Variants in SMG5 observed in about 807,000 individuals in gnomAD.
The protein encoded by SMG5 is nonsense-mediated mRNA decay factor SMG5.
A neutral mutation model predicts 122.9 loss-of-function variants in SMG5; 53 were observed. The observed-to-expected ratio is 0.43, with a 90% CI of 0.35 to 0.54. The LOEUF is 0.54. Ranked by LOEUF, SMG5 falls within the 20% of genes least tolerant of loss-of-function variation. SMG5 has a pLI of 0.01. For synonymous variants in SMG5, 477 were observed against 490.2 expected (o/e 0.97, Z 0.35); for missense variants, 1,153 against 1,285.6 (o/e 0.90, Z 1.58).
the SMG5 span, chr1:156,291,140 A>G: frequency 2.0e-6 from 1 of 510,840 alleles, no homozygotes; most frequent in Non-Finnish European, 3.5e-6. Flanking sequence ...AAAGTAAATA[A>G]AAGAGGGAAA....
At position 156,265,877 on chromosome 1, in the gene SMG5, A is replaced by C. The variant is rs754538341; in HGVS notation, c.1759T>G (p.Phe587Val). The change falls in exon 12 of 22, where the codon TTT (phenylalanine) becomes GTT (valine). Residue 587 changes from phenylalanine (F) to valine (V), a missense_variant. Phe to Val is a conservative substitution (Grantham distance 50). Around this residue, in one of 5 missense-constraint regions of SMG5, gnomAD observed 631 missense variants for 650.6 expected, o/e 0.97. Coordinates refer to ENST00000361813, the MANE Select transcript of SMG5 (RefSeq NM_015327.3). ...GTGGGCTGGAGGAGCAGGTTGCTAA[A>C]GGTGGGGGCCAGTCGGAAGCAGCGC... Reference protein sequence around the residue: ...TKRCFRLAPTFSNLLLQPTTN... With the variant: ...TKRCFRLAPTVSNLLLQPTTN... 4 of 1,613,992 alleles carry C rather than the reference A, an allele frequency of 2.5e-6. No individual in the cohort carries two copies. Among genetic ancestry groups the C allele is most frequent in the Non-Finnish European group, 2.5e-6 (3 of 1,180,020 alleles).
chr1:156,286,896 G>A (rs1045129851), upstream of SMG5, among the ~76,000 whole-genome samples: 1 of 152,222 alleles, frequency 6.6e-6, no homozygotes, highest in Non-Finnish European at 1.5e-5. Context: ...GGCCGAGGTG[G>A]CAGATCACTT....
chr1:156,268,318 T>A lies in SMG5; in HGVS notation c.811A>T (p.Thr271Ser). 1 of 1,614,124 alleles carries A rather than the reference T, an allele frequency of 6.2e-7. No individual in the cohort carries two copies. Among genetic ancestry groups the A allele is most frequent in the Non-Finnish European group, 8.5e-7 (1 of 1,180,012 alleles). The change falls in exon 8 of 22, where the codon ACT becomes TCT. Residue 271 changes from threonine (T) to serine (S), a missense_variant. Coordinates refer to ENST00000361813, the MANE Select transcript of SMG5 (RefSeq NM_015327.3). Reference protein sequence around the residue: ...KMYHQLKKCETRKLSPGKKRC... With the variant: ...KMYHQLKKCESRKLSPGKKRC... ...TTTTTGCCAGGAGACAGTTTCCGAG[T>A]CTCACACTTCTTCAGTTGGTGGTAC...
intron 12 of SMG5, among the ~76,000 whole-genome samples, chr1:156,264,270 A>AAG (rs1384606590): frequency 1.3e-5 from 2 of 148,744 alleles, no homozygotes; most frequent in Non-Finnish European, 3.0e-5. Context: ...TCCGTCTCAA[A>AAG]AAAAAAAAAA....
At chr1:156,273,239 G>T in intron 6 of SMG5, 122 bp downstream of exon 6, 1 of 761,028 alleles carries the variant, frequency 1.3e-6, no homozygotes, top group South Asian at 1.5e-5. Context: ...GGTGAAGTAC[G>T]AGAGAGCTGA....
At position 156,258,988 on chromosome 1, in the gene SMG5, G is replaced by A; in HGVS notation, c.2442+17C>T. On this transcript the variant is annotated intron_variant, in intron 16 of 21. Transcript: ENST00000361813. ...CAATGGGAGCAGAGCTGACGGGGAG[G>A]GGAAGGCCTGACTCACCATTCGGAA... 1 of 1,613,380 alleles carries A rather than the reference G, an allele frequency of 6.2e-7. No individual in the cohort carries two copies. The highest frequency in any genetic ancestry group is 1.3e-5 in the African/African-American group (1 of 75,022).
At chr1:156,290,375 TAAAAG>T in the SMG5 span, 1 of 151,144 alleles carries the variant, frequency 6.6e-6, no homozygotes, top group Non-Finnish European at 1.5e-5. Flanking sequence ...AAGAAAAAAA[TAAAAG>T]AAAAAAATCT....
At chr1:156,264,888 T>C (rs543983384) in intron 12 of SMG5, among the ~76,000 whole-genome samples, 2 of 152,194 alleles carry the variant, frequency 1.3e-5, no homozygotes, top group African/African-American at 4.8e-5. Context: ...TAGCCGGGCA[T>C]GGTGGTGCGT....
intron 16 of SMG5, 135 bp downstream of exon 16, chr1:156,258,870 C>A (rs1219716867): frequency 6.4e-6 from 7 of 1,090,978 alleles, no homozygotes; most frequent in Non-Finnish European, 8.9e-6. Flanking sequence ...TCCCTCCCAG[C>A]CTCCCCTCCC....
chr1:156,275,332 T>G (rs1040508069), intron 4 of SMG5, among the ~76,000 whole-genome samples: 1 of 152,192 alleles, frequency 6.6e-6, no homozygotes, highest in Non-Finnish European at 1.5e-5. Flanking sequence ...CAAATATGCC[T>G]GAGCACTCAC....
At chr1:156,262,787 A>G (rs1661914162) in intron 13 of SMG5, among the ~76,000 whole-genome samples, 1 of 152,214 alleles carries the variant, frequency 6.6e-6, no homozygotes, top group South Asian at 2.1e-4. Context: ...GGCGACCCAC[A>G]GGGAAGAAAG....
At position 156,254,014 on chromosome 1, in the gene SMG5, G is replaced by A. The variant is rs118165722; in HGVS notation, c.2443-506C>T. ...CAGAACCTGCGTCTCTTCCTCTAGT[G>A]TTCCCTAGCCTAGTAAATAAACCAG... On this transcript the variant is annotated intron_variant, in intron 16 of 21. Transcript: ENST00000361813. Among the ~76,000 whole-genome samples the A allele has an allele frequency of 2.0e-4, 31 of 152,302 alleles. No individual in the cohort carries two copies. The East Asian group carries it at 6.0e-3, about 29-fold the overall frequency.
chr1:156,259,953 T>C (rs1192945743), intron 15 of SMG5, among the ~76,000 whole-genome samples: 2 of 152,180 alleles, frequency 1.3e-5, no homozygotes, highest in African/African-American at 2.4e-5. Flanking sequence ...AGGTGGTTTA[T>C]GTATGTCAGG....
Position 156,267,590 on chromosome 1 carries a change from G to C in SMG5, c.997C>G (p.Leu333Val). ...CLFYLPSSPN[L>V]SLASEDEEEY... ...TCCTCATCCTCACTGGCCAGGCTGA[G>C]GTTGGGTGAGGAGGGCAGGTAGAAG... The change falls in exon 10 of 22, where the codon CTC becomes GTC. Residue 333 changes from leucine to valine, a missense_variant. Physicochemically the swap from Leu to Val is conservative, Grantham distance 32. Around this residue, in one of 5 missense-constraint regions of SMG5, gnomAD observed 631 missense variants for 650.6 expected, o/e 0.97. Coordinates refer to ENST00000361813, the MANE Select transcript of SMG5 (RefSeq NM_015327.3). 1 of 1,614,050 alleles carries C rather than the reference G, an allele frequency of 6.2e-7. No individual in the cohort carries two copies. Among genetic ancestry groups the C allele is most frequent in the Non-Finnish European group, 8.5e-7 (1 of 1,179,982 alleles).
chr1:156,273,464 A>G lies in SMG5; in HGVS notation c.545-14T>C, dbSNP rs369422948. 6.2e-7 allele frequency: 1 copy of G among 1,612,428 alleles called. No individual in the cohort carries two copies. Among genetic ancestry groups the G allele is most frequent in the Admixed American group, 1.7e-5 (1 of 59,918 alleles). The stretch of plus-strand genomic sequence containing the variant: ...TCTGATATCGGGCTGCACAAGAGAG[A>G]AAACGAAGGGAAACTCGATGATTTT... On this transcript the variant is annotated splice_polypyrimidine_tract_variant and intron_variant, in intron 5 of 21. Transcript: ENST00000361813.
At chr1:156,269,748 G>A (rs1662318545) in intron 7 of SMG5, among the ~76,000 whole-genome samples, 1 of 152,100 alleles carries the variant, frequency 6.6e-6, no homozygotes, top group Non-Finnish European at 1.5e-5. Context: ...GTTGGCAGGC[G>A]CCTGTTGTCC....
rs1273038921 is a variant in SMG5, at chr1:156,250,000, T to C, written c.*587A>G. On this transcript the variant is annotated 3_prime_UTR_variant, in exon 22 of 22. Transcript: ENST00000361813. Reference sequence around the variant, plus strand: ...CACGAACCCTGACCCTGCTACTCGGTGCAGGCCACTCCAGGCCTTGCTTCT... The same window carrying C: ...CACGAACCCTGACCCTGCTACTCGGCGCAGGCCACTCCAGGCCTTGCTTCT... 1 of 460,760 alleles carries C rather than the reference T, an allele frequency of 2.2e-6. No homozygotes were observed. Among genetic ancestry groups the C allele is most frequent in the Admixed American group, 2.4e-5 (1 of 42,164 alleles). 28.5% of individuals were successfully genotyped at this position (460,760 alleles called of 1,614,324 possible). A position where few individuals can be genotyped will look rare whatever the true frequency, so the allele number is the denominator to read the frequency against.
chr1:156,266,736 A>T (rs1020339823), intron 10 of SMG5, 58 bp from the exon 11 acceptor site: 38 of 1,589,140 alleles, frequency 2.4e-5, no homozygotes, highest in Middle Eastern at 1.7e-4. Flanking sequence ...AGTAGGCACC[A>T]TCAATTCCAA....
chr1:156,255,080 G>C (rs1405990465), intron 16 of SMG5, among the ~76,000 whole-genome samples: 12 of 151,222 alleles, frequency 7.9e-5, no homozygotes, highest in East Asian at 7.9e-4. Flanking sequence ...GACAGAGCAA[G>C]ACTCCGTCTC....
Sources: allele counts gnomAD v4.1 joint callset (sites outside exome capture counted in the v4.1 genomes callset), GRCh38; gene constraint gnomAD v4.1.1; regional missense constraint gnomAD v4.1.1; transcripts MANE v1.5; gene names NCBI Gene and HGNC (gene_info 2026-07-23, HGNC 2026-07-21).